Variants in MTUS2 observed in about 807,000 individuals in gnomAD.
MTUS2 encodes microtubule associated scaffold protein 2.
In MTUS2, 40 loss-of-function variants were observed where a neutral mutation model predicts 114.1. That is an observed-to-expected ratio of 0.35 (90% CI 0.27 to 0.46). The LOEUF is 0.46. Ranked by LOEUF, MTUS2 falls within the 20% of genes least tolerant of loss-of-function variation. The probability of loss-of-function intolerance (pLI) is 1.00; values close to 1 mark genes in which losing one functional copy is unlikely to be tolerated. For missense variants in MTUS2, 1,679 were observed against 1,705.4 expected, an observed-to-expected ratio of 0.98 and a Z score of 0.27; for synonymous variants, 688 against 672.0, an observed-to-expected ratio of 1.02 and a Z score of -0.37.
intron 6 of MTUS2, among the ~76,000 whole-genome samples, chr13:29,290,927 C>T (rs1416533697): frequency 6.6e-6 from 1 of 152,190 alleles, no homozygotes; most frequent in Non-Finnish European, 1.5e-5. Context: ...ATGAAAGTTG[C>T]AATTCCCCTA....
chr13:29,378,878 T>G (rs999334290), intron 8 of MTUS2, among the ~76,000 whole-genome samples: 2 of 152,182 alleles, frequency 1.3e-5, no homozygotes, highest in African/African-American at 2.4e-5. Context: ...TCTTGAATTG[T>G]AATTGGAATT....
chr13:29,406,621 C>T (rs1468801105), intron 8 of MTUS2, among the ~76,000 whole-genome samples: 1 of 152,144 alleles, frequency 6.6e-6, no homozygotes. Flanking sequence ...CTACTGGTGA[C>T]ACAGACCAAA....
At chr13:29,295,647 C>T (rs1188442553) in intron 6 of MTUS2, among the ~76,000 whole-genome samples, 1 of 152,120 alleles carries the variant, frequency 6.6e-6, no homozygotes, top group African/African-American at 2.4e-5. Flanking sequence ...GTATACATAC[C>T]TGTATTAGTC....
At chr13:29,236,895 G>C (rs1274853313) in intron 5 of MTUS2, among the ~76,000 whole-genome samples, 1 of 152,198 alleles carries the variant, frequency 6.6e-6, no homozygotes, top group Non-Finnish European at 1.5e-5. Context: ...CCTGGAATGT[G>C]AGCAATTGTA....
chr13:29,381,922 A>G (rs7326937), intron 8 of MTUS2, among the ~76,000 whole-genome samples: 23,591 of 152,128 alleles, frequency 0.16, 2,613 homozygotes, highest in African/African-American at 0.32. Context: ...GAAATACTCT[A>G]TCACGTTGTG....
chr13:29,257,086 C>T (rs1897305166), intron 5 of MTUS2, among the ~76,000 whole-genome samples: 1 of 152,224 alleles, frequency 6.6e-6, no homozygotes, highest in Non-Finnish European at 1.5e-5. Context: ...CACTGCTTAG[C>T]TGGGACCCTT....
chr13:28,859,434 A>T (rs890665466), intron 2 of MTUS2, among the ~76,000 whole-genome samples: 5 of 152,156 alleles, frequency 3.3e-5, no homozygotes, highest in Non-Finnish European at 5.9e-5. Flanking sequence ...AAATGTGTTT[A>T]CATCCCCATT....
chr13:29,472,838 G>A (rs1311394695), intron 9 of MTUS2, among the ~76,000 whole-genome samples: 1 of 152,172 alleles, frequency 6.6e-6, no homozygotes, highest in Non-Finnish European at 1.5e-5. Flanking sequence ...GAAGACATGG[G>A]AAATTCCTAA....
At chr13:28,886,869 C>T (rs1270873045) in intron 2 of MTUS2, among the ~76,000 whole-genome samples, 1 of 152,150 alleles carries the variant, frequency 6.6e-6, no homozygotes, top group Non-Finnish European at 1.5e-5. Context: ...ATGGGCACAG[C>T]AGTTTAGGAT....
intron 1 of MTUS2, among the ~76,000 whole-genome samples, chr13:28,832,243 C>G (rs970316556): frequency 1.3e-5 from 2 of 152,050 alleles, no homozygotes; most frequent in African/African-American, 4.8e-5. Context: ...GTAGGAAATT[C>G]TTTAAAATAG....
At chr13:28,927,068 G>T (rs1881365307) in intron 2 of MTUS2, among the ~76,000 whole-genome samples, 1 of 152,130 alleles carries the variant, frequency 6.6e-6, no homozygotes. Flanking sequence ...ACACTTGTGG[G>T]ATATAACCAG....
intron 5 of MTUS2, among the ~76,000 whole-genome samples, chr13:29,279,932 TGA>T (rs1898204397): frequency 6.6e-6 from 1 of 151,994 alleles, no homozygotes; most frequent in Non-Finnish European, 1.5e-5. Context: ...TAAAAGACTG[TGA>T]GAGATTTTGC....
chr13:29,445,859 G>C (rs951234741), intron 9 of MTUS2, among the ~76,000 whole-genome samples: 29 of 151,892 alleles, frequency 1.9e-4, no homozygotes, highest in African/African-American at 7.0e-4. Context: ...AGTGAGCCAA[G>C]ATTGTGCCAC....
At position 29,025,690 on chromosome 13, in the gene MTUS2, A is replaced by T; in HGVS notation, c.992A>T (p.Tyr331Phe). The T allele has an allele frequency of 6.2e-7, 1 of 1,613,998 alleles. No individual in the cohort carries two copies. The highest frequency in any genetic ancestry group is 8.5e-7 in the Non-Finnish European group (1 of 1,179,870). Residue 331 changes from tyrosine (Y) to phenylalanine (F), a missense_variant, in exon 3 of 16, where the codon TAT (tyrosine) becomes TTT (phenylalanine). Physicochemically the swap from Tyr to Phe is conservative, Grantham distance 22. This residue lies in a region of MTUS2 where 843 missense variants were observed against 770.8 expected (regional missense o/e 1.09). Coordinates refer to ENST00000612955, the MANE Select transcript of MTUS2 (RefSeq NM_001033602.4). The part of the protein sequence containing the change: ...EQEGKAAQEG[Y>F]LGCHKEENLS... ...GAGGGAAAGGCAGCCCAGGAAGGGT[A>T]TCTGGGATGCCACAAGGAAGAGAAT...
intron 2 of MTUS2, among the ~76,000 whole-genome samples, chr13:28,962,829 G>A (rs1305291547): frequency 6.6e-6 from 1 of 152,114 alleles, no homozygotes; most frequent in Non-Finnish European, 1.5e-5. Context: ...TGGACACTGA[G>A]TCTGTGTGGT....
chr13:29,432,086 C>T (rs541869196), intron 8 of MTUS2, among the ~76,000 whole-genome samples: 1 of 145,942 alleles, frequency 6.9e-6, no homozygotes, highest in African/African-American at 2.5e-5. Context: ...CTTTTTGGCT[C>T]AAGTGATCCA....
intron 5 of MTUS2, among the ~76,000 whole-genome samples, chr13:29,110,167 T>C (rs1890828521): frequency 6.6e-6 from 1 of 152,264 alleles, no homozygotes; most frequent in South Asian, 2.1e-4. Context: ...AACATACTTA[T>C]GCGAGGTGAC....
chr13:29,300,350 G>GT (rs1386262071), intron 6 of MTUS2, among the ~76,000 whole-genome samples: 1 of 152,110 alleles, frequency 6.6e-6, no homozygotes, highest in East Asian at 1.9e-4. Flanking sequence ...TATTTAAAAT[G>GT]TTGCACACCT....
intron 6 of MTUS2, among the ~76,000 whole-genome samples, chr13:29,301,935 G>A (rs756567035): frequency 2.0e-5 from 3 of 152,178 alleles, no homozygotes; most frequent in Admixed American, 2.0e-4. Flanking sequence ...GGTAGAAGGT[G>A]CAAATGAGCT....
Sources: allele counts gnomAD v4.1 joint callset (sites outside exome capture counted in the v4.1 genomes callset), GRCh38; gene constraint gnomAD v4.1.1; regional missense constraint gnomAD v4.1.1; transcripts MANE v1.5; gene names NCBI Gene and HGNC (gene_info 2026-07-23, HGNC 2026-07-21).